TBC1D19: variants seen among roughly 807,000 people sequenced by gnomAD.
TBC1D19 encodes the protein TBC1 domain family member 19.
Under a neutral mutation model 89.0 loss-of-function variants are expected in TBC1D19, and 60 were observed. The ratio of observed to expected loss-of-function variants is 0.67; its 90% CI spans 0.55 to 0.84. The LOEUF (loss-of-function observed/expected upper bound fraction) is 0.84, where lower values mean the gene tolerates loss of function less well. TBC1D19 is among the 40% of genes least tolerant of loss of function. TBC1D19 has a pLI of 0.00. For synonymous variants in TBC1D19, 189 were observed against 199.7 expected (o/e 0.95, Z 0.45); for missense variants, 500 against 610.8 (o/e 0.82, Z 1.91).
chr4:26,578,984 T>C (rs1739020907), intron 1 of TBC1D19, among the ~76,000 whole-genome samples: 1 of 152,236 alleles, frequency 6.6e-6, no homozygotes, highest in Non-Finnish European at 1.5e-5. Flanking sequence ...TCTGCTCCTG[T>C]CATGTAATCT....
chr4:26,735,400 C>T (rs1717981920), intron 15 of TBC1D19, 55 bp from the exon 16 acceptor site: 2 of 1,382,632 alleles, frequency 1.4e-6, no homozygotes, highest in South Asian at 1.4e-5. Context: ...TTAAAGCTTA[C>T]CTAATAATCA....
At chr4:26,615,661 A>G (rs902660888) in intron 3 of TBC1D19, among the ~76,000 whole-genome samples, 19 of 152,086 alleles carry the variant, frequency 1.2e-4, no homozygotes, top group African/African-American at 4.6e-4. Context: ...AAGAATTAGC[A>G]TTTGCTTCTT....
At chr4:26,740,778 C>T in intron 17 of TBC1D19, 1 of 985,368 alleles carries the variant, frequency 1.0e-6, no homozygotes, top group Non-Finnish European at 1.2e-6. Context: ...CTAAATTTCC[C>T]CAAAGAGGCA....
intron 7 of TBC1D19, among the ~76,000 whole-genome samples, chr4:26,656,082 AATT>A (rs1231867517): frequency 2.0e-5 from 3 of 152,122 alleles, no homozygotes; most frequent in South Asian, 4.1e-4. Flanking sequence ...TATTTTTAAA[AATT>A]ATTATTATTC....
At chr4:26,644,046 A>G (rs1030248555) in intron 7 of TBC1D19, among the ~76,000 whole-genome samples, 1 of 152,214 alleles carries the variant, frequency 6.6e-6, no homozygotes, top group Admixed American at 6.5e-5. Context: ...TCAATAGAAA[A>G]AGAGGGAATC....
the TBC1D19 span, among the ~76,000 whole-genome samples, chr4:26,824,050 C>T: frequency 0.021 from 3,138 of 152,200 alleles, 123 homozygotes; most frequent in East Asian, 0.16. Flanking sequence ...GTGCATGATC[C>T]CAAGATGGCC....
At chr4:26,645,265 C>A (rs980873876) in intron 7 of TBC1D19, among the ~76,000 whole-genome samples, 1 of 152,158 alleles carries the variant, frequency 6.6e-6, no homozygotes, top group Non-Finnish European at 1.5e-5. Flanking sequence ...TACTACAAGG[C>A]TACAGTAACC....
intron 12 of TBC1D19, 44 bp downstream of exon 12, chr4:26,683,793 T>C (rs752157301): frequency 1.3e-6 from 2 of 1,517,064 alleles, no homozygotes; most frequent in South Asian, 2.4e-5. Context: ...TTAATATAAT[T>C]TAGAATTGAG....
At chr4:26,622,826 A>G (rs1286436940) in intron 4 of TBC1D19, among the ~76,000 whole-genome samples, 3 of 152,148 alleles carry the variant, frequency 2.0e-5, no homozygotes, top group Non-Finnish European at 4.4e-5. Flanking sequence ...AAAGCCTAAA[A>G]TATTTACTAT....
At chr4:26,836,565 A>AGCATACG in the TBC1D19 span, among the ~76,000 whole-genome samples, 1 of 152,198 alleles carries the variant, frequency 6.6e-6, no homozygotes, top group Non-Finnish European at 1.5e-5. Flanking sequence ...AGGTGTCTGA[A>AGCATACG]AACTACATTT....
chr4:26,678,915 AT>A (rs1713088694), intron 11 of TBC1D19, among the ~76,000 whole-genome samples: 1 of 152,056 alleles, frequency 6.6e-6, no homozygotes, highest in Non-Finnish European at 1.5e-5. Context: ...CCCAAGATTT[AT>A]TTTCATTTCA....
chr4:26,740,579 G>A lies in TBC1D19; in HGVS notation c.1227+606G>A, dbSNP rs921460048. The A allele has an allele frequency of 3.6e-5, 31 of 865,932 alleles. No homozygotes were observed. In the Admixed American group the frequency reaches 6.8e-4, roughly 19 times the overall value. The allele number at this position is 865,932 out of a possible 1,614,324, so 53.6% of individuals were successfully genotyped here. A position where few individuals can be genotyped will look rare whatever the true frequency, so the allele number is the denominator to read the frequency against. On this transcript the variant is annotated intron_variant, in intron 17 of 20. Transcript: ENST00000264866. The stretch of plus-strand genomic sequence containing the variant: ...ATCAAGGAAAAGCATATATTTAGGA[G>A]TTGAACATTTTAATCTGTTCTCTTT...
At chr4:26,767,193 A>G in the TBC1D19 span, among the ~76,000 whole-genome samples, 2 of 152,188 alleles carry the variant, frequency 1.3e-5, no homozygotes, top group Non-Finnish European at 2.9e-5. Context: ...ATAAAAAATA[A>G]ATAAATGAAA....
chr4:26,817,981 A>AAAAAAAATAT, the TBC1D19 span, among the ~76,000 whole-genome samples: 18 of 126,052 alleles, frequency 1.4e-4, no homozygotes, highest in African/African-American at 6.3e-4. Flanking sequence ...AAAAAAAAAA[A>AAAAAAAATAT]ATATATATAT....
the TBC1D19 span, among the ~76,000 whole-genome samples, chr4:26,769,074 C>T: frequency 6.6e-6 from 1 of 151,958 alleles, no homozygotes; most frequent in Non-Finnish European, 1.5e-5. Flanking sequence ...GAAGTCCTGT[C>T]CTGTAGAGAG....
chr4:26,805,148 A>G, the TBC1D19 span, among the ~76,000 whole-genome samples: 2 of 152,212 alleles, frequency 1.3e-5, no homozygotes, highest in East Asian at 3.9e-4. Context: ...GGGTGGGGAC[A>G]TGGATCTAGC....
At chr4:26,700,570 A>T (rs1715237558) in intron 13 of TBC1D19, among the ~76,000 whole-genome samples, 1 of 152,182 alleles carries the variant, frequency 6.6e-6, no homozygotes. Flanking sequence ...GATTTGCCAT[A>T]AAAGGAACAA....
At chr4:26,772,738 T>C in the TBC1D19 span, among the ~76,000 whole-genome samples, 2 of 152,194 alleles carry the variant, frequency 1.3e-5, no homozygotes, top group South Asian at 4.1e-4. Flanking sequence ...GTTCCTTCTT[T>C]AGTTTGCTGA....
At chr4:26,835,933 G>T in the TBC1D19 span, among the ~76,000 whole-genome samples, 1 of 151,324 alleles carries the variant, frequency 6.6e-6, no homozygotes, top group Non-Finnish European at 1.5e-5. Context: ...AAATACGTAT[G>T]CTGCCTATAC....
Sources: gnomAD v4.1 joint callset for allele counts (sites outside exome capture counted in the v4.1 genomes callset) on GRCh38, gnomAD v4.1.1 for gene constraint, MANE v1.5 for transcripts, NCBI Gene and HGNC (gene_info 2026-07-23, HGNC 2026-07-21) for gene names.